FAAH2: variants seen among roughly 807,000 people sequenced by gnomAD.
FAAH2 encodes fatty-acid amide hydrolase 2.
A neutral mutation model predicts 36.9 loss-of-function variants in FAAH2; 60 were observed. That is an observed-to-expected ratio of 1.63 (90% CI 1.32 to 2.02). The LOEUF is 2.02. FAAH2 is among the 30% of genes most tolerant of loss of function. The pLI, the probability that FAAH2 is intolerant of heterozygous loss-of-function variation, is 0.00. For missense variants in FAAH2, 689 were observed against 397.5 expected, an observed-to-expected ratio of 1.73 and a Z score of -6.23; for synonymous variants, 214 against 143.8, an observed-to-expected ratio of 1.49 and a Z score of -3.49.
At chrX:57,161,529 T>C in the FAAH2 span, among the ~76,000 whole-genome samples, 2 of 111,643 alleles carry the variant, frequency 1.8e-5, no homozygotes, top group Non-Finnish European at 3.8e-5. Context: ...ACTTGCCTTA[T>C]GAATCTGGGT....
intron 5 of FAAH2, among the ~76,000 whole-genome samples, chrX:57,354,511 G>A (rs371397981): frequency 9.1e-6 from 1 of 110,204 alleles, no homozygotes; most frequent in South Asian, 3.8e-4. Context: ...TACCCTGCAA[G>A]CCCTGATTTG....
chrX:57,387,203 T>G (rs2055046529), intron 7 of FAAH2, among the ~76,000 whole-genome samples: 1 of 111,798 alleles, frequency 8.9e-6, no homozygotes, highest in Admixed American at 9.5e-5. Context: ...GGCAATCTCT[T>G]TAAAATATAA....
chrX:57,311,560 G>A (rs2052695102), intron 3 of FAAH2, among the ~76,000 whole-genome samples: 1 of 111,998 alleles, frequency 8.9e-6, no homozygotes, highest in African/African-American at 3.2e-5. Flanking sequence ...GCTGAGAGTA[G>A]CCATAGGCAC....
chrX:57,205,134 C>T, the FAAH2 span, among the ~76,000 whole-genome samples: 5 of 112,210 alleles, frequency 4.5e-5, no homozygotes, highest in East Asian at 1.1e-3. Context: ...CATCCATTTG[C>T]CAAAGAGAAT....
At chrX:57,282,729 G>A (rs2051765582), upstream of FAAH2, among the ~76,000 whole-genome samples, 1 of 111,764 alleles carries the variant, frequency 8.9e-6, no homozygotes, top group African/African-American at 3.3e-5. Context: ...CCACTAGATG[G>A]TGCTTAAATG....
chrX:57,418,664 T>A (rs1050525287), intron 7 of FAAH2, among the ~76,000 whole-genome samples: 4 of 109,281 alleles, frequency 3.7e-5, no homozygotes, highest in Non-Finnish European at 7.6e-5. Context: ...AGACCAGAGC[T>A]GTTCCTATTT....
chrX:57,264,722 C>T, the FAAH2 span, among the ~76,000 whole-genome samples: 1 of 112,197 alleles, frequency 8.9e-6, no homozygotes, highest in Non-Finnish European at 1.9e-5. Flanking sequence ...ATCATAAACA[C>T]GCATGCACAC....
the FAAH2 span, among the ~76,000 whole-genome samples, chrX:57,265,174 G>A: frequency 4.8e-3 from 535 of 111,540 alleles, 1 homozygote; most frequent in African/African-American, 0.012. Context: ...AGAGCTACAT[G>A]GAGTCTTGGC....
the FAAH2 span, among the ~76,000 whole-genome samples, chrX:57,259,849 A>G: frequency 8.9e-6 from 1 of 111,933 alleles, no homozygotes; most frequent in Non-Finnish European, 1.9e-5. Context: ...TGGAAAAAAT[A>G]TTTAAAGAAT....
chrX:57,208,772 G>A, the FAAH2 span, among the ~76,000 whole-genome samples: 1 of 111,966 alleles, frequency 8.9e-6, no homozygotes, highest in Non-Finnish European at 1.9e-5. Flanking sequence ...GGAAACAAAG[G>A]GATGGGCCAT....
chrX:57,450,958 C>T (rs1001239956), intron 10 of FAAH2, among the ~76,000 whole-genome samples: 1 of 111,309 alleles, frequency 9.0e-6, no homozygotes, highest in Non-Finnish European at 1.9e-5. Flanking sequence ...TTTATCTATT[C>T]CTAGAATTGT....
At chrX:57,299,994 G>A (rs1190042978) in intron 2 of FAAH2, among the ~76,000 whole-genome samples, 1 of 111,542 alleles carries the variant, frequency 9.0e-6, no homozygotes, top group African/African-American at 3.3e-5. Flanking sequence ...ATGCTCATGG[G>A]TAGGAAGAAT....
In FAAH2 at chrX:57,488,865, T is replaced by C; in HGVS notation, c.1532T>C (p.Leu511Pro). Residue 511 changes from leucine to proline, a missense_variant, in exon 11 of 11, where the codon CTG (leucine) becomes CCG (proline). Transcript: ENST00000374900. Reference sequence around the variant, plus strand: ...GTGGCTGGACCCTTTAATGATCATCTGACCCTGGCTGTGGCCCAGTACTTG... The same window carrying C: ...GTGGCTGGACCCTTTAATGATCATCCGACCCTGGCTGTGGCCCAGTACTTG... ...QVVAGPFNDH[L>P]TLAVAQYLEK... The C allele has an allele frequency of 8.3e-7, 1 of 1,211,131 alleles. No homozygotes were observed. The highest frequency in any genetic ancestry group is 1.1e-6 in the Non-Finnish European group (1 of 895,374).
At chrX:57,399,690 T>C (rs973441464) in intron 7 of FAAH2, among the ~76,000 whole-genome samples, 26 of 112,303 alleles carry the variant, frequency 2.3e-4, no homozygotes, top group African/African-American at 8.4e-4. Flanking sequence ...AATAATAATC[T>C]CCTAATGGCT....
intron 7 of FAAH2, among the ~76,000 whole-genome samples, chrX:57,412,995 CAT>C (rs1272923223): frequency 3.6e-5 from 4 of 112,221 alleles, no homozygotes; most frequent in African/African-American, 1.3e-4. Flanking sequence ...CTTTTTATTT[CAT>C]ATGTTTGTTG....
intron 3 of FAAH2, among the ~76,000 whole-genome samples, chrX:57,317,317 G>A (rs766958570): frequency 1.2e-4 from 14 of 112,244 alleles, no homozygotes; most frequent in Non-Finnish European, 2.6e-4. Flanking sequence ...AAAGGATGGA[G>A]GAATATTTAT....
chrX:57,329,877 A>G (rs1421066317), intron 3 of FAAH2, among the ~76,000 whole-genome samples: 1 of 111,903 alleles, frequency 8.9e-6, no homozygotes, highest in African/African-American at 3.2e-5. Flanking sequence ...CTTTACTGCA[A>G]TCTCTAAAGA....
chrX:57,454,338 C>T lies in FAAH2; in HGVS notation c.1423+5620C>T, dbSNP rs1216550047. ...AGCTGACTATCCTCAACTTATCTCA[C>T]GGGTGAAGAAACATCAACCCTTACA... On this transcript the variant is annotated intron_variant, in intron 10 of 10. Transcript: ENST00000374900. 2.0e-4 allele frequency among the ~76,000 whole-genome samples: 22 copies of T among 112,141 alleles called. No homozygotes were observed. The Admixed American group carries it at 2.0e-3, about 10-fold the overall frequency.
At chrX:57,409,283 A>C (rs2055642090) in intron 7 of FAAH2, among the ~76,000 whole-genome samples, 1 of 111,455 alleles carries the variant, frequency 9.0e-6, no homozygotes, top group South Asian at 3.7e-4. Flanking sequence ...TTATCCTTTT[A>C]ACATGGTTGA....
Sources: gnomAD v4.1 joint callset for allele counts (sites outside exome capture counted in the v4.1 genomes callset) on GRCh38, gnomAD v4.1.1 for gene constraint, MANE v1.5 for transcripts, NCBI Gene and HGNC (gene_info 2026-07-23, HGNC 2026-07-21) for gene names.